Variants in GNA12 observed in about 807,000 individuals in gnomAD.
The protein encoded by GNA12 is G protein subunit alpha 12, also known as guanine nucleotide-binding protein subunit alpha-12.
A neutral mutation model predicts 26.0 loss-of-function variants in GNA12; 9 were observed. The observed-to-expected ratio is 0.35, with a 90% CI of 0.21 to 0.60. GNA12 has a LOEUF of 0.60. Ranked by LOEUF, GNA12 falls within the 20% of genes least tolerant of loss-of-function variation. GNA12 has a pLI of 0.78. For synonymous variants in GNA12, 264 were observed against 219.6 expected (o/e 1.20, Z -1.79); for missense variants, 405 against 525.8 (o/e 0.77, Z 2.25).
At chr7:2,826,664 G>C (rs1391553175) in intron 1 of GNA12, among the ~76,000 whole-genome samples, 1 of 152,178 alleles carries the variant, frequency 6.6e-6, no homozygotes, top group Non-Finnish European at 1.5e-5. Context: ...AATATGTATT[G>C]CTAAGTGAAA....
chr7:2,780,051 CATATATATATATATATATATATAT>C lies in GNA12; in HGVS notation c.525+14853_525+14876del, dbSNP rs3996399. Among the ~76,000 whole-genome samples, 73 of 62,214 alleles carry C rather than the reference CATATATATATATATATATATATAT, an allele frequency of 1.2e-3. 1 individual carries two copies. The highest frequency in any genetic ancestry group is 3.9e-3 in the South Asian group (6 of 1,526). 40.8% of individuals were successfully genotyped at this position (62,214 alleles called of 152,430 possible). On this transcript the variant is annotated intron_variant, in intron 2 of 3. Transcript: ENST00000275364. ...CTAGTTTTTTACACATTTCTGTGTACATATATATATATATATATATATATATATATATATATATATATGCCTGTT... is the reference window on the plus strand; with the variant it reads ...CTAGTTTTTTACACATTTCTGTGTACATATATATATATATATATGCCTGTT...
intron 2 of GNA12, among the ~76,000 whole-genome samples, chr7:2,755,198 G>A (rs1426319112): frequency 6.6e-6 from 1 of 152,224 alleles, no homozygotes; most frequent in Non-Finnish European, 1.5e-5. Flanking sequence ...ATCAGGGAGA[G>A]TGGCCCCTCC....
intron 1 of GNA12, among the ~76,000 whole-genome samples, chr7:2,824,165 G>A (rs895802111): frequency 6.6e-6 from 1 of 152,192 alleles, no homozygotes; most frequent in East Asian, 1.9e-4. Flanking sequence ...CCACAGATCA[G>A]GATGACAGCC....
intron 2 of GNA12, among the ~76,000 whole-genome samples, chr7:2,778,774 T>G (rs539732383): frequency 6.6e-6 from 1 of 152,316 alleles, no homozygotes; most frequent in East Asian, 1.9e-4. Flanking sequence ...AGCTAAGGAC[T>G]GAAGCTTCAA....
chr7:2,831,650 G>A (rs932265691), intron 1 of GNA12, among the ~76,000 whole-genome samples: 3 of 151,884 alleles, frequency 2.0e-5, no homozygotes, highest in African/African-American at 7.3e-5. Flanking sequence ...TGATCCGCCC[G>A]CCTCAGCCTC....
At chr7:2,781,716 G>A (rs983103532) in intron 2 of GNA12, among the ~76,000 whole-genome samples, 12 of 152,106 alleles carry the variant, frequency 7.9e-5, no homozygotes, top group South Asian at 2.1e-4. Context: ...ATGGGTGGGC[G>A]TACAAAAATA....
At chr7:2,777,058 T>C (rs979499326) in intron 2 of GNA12, among the ~76,000 whole-genome samples, 2 of 152,134 alleles carry the variant, frequency 1.3e-5, no homozygotes, top group African/African-American at 4.8e-5. Flanking sequence ...CAGCTGTACT[T>C]CCTGGTGGTA....
At chr7:2,767,954 A>G (rs1308339751) in intron 2 of GNA12, among the ~76,000 whole-genome samples, 2 of 152,226 alleles carry the variant, frequency 1.3e-5, no homozygotes, top group African/African-American at 4.8e-5. Flanking sequence ...TCCTGGGTTC[A>G]AGCAATTCTC....
chr7:2,804,466 T>C (rs145643942), intron 1 of GNA12, among the ~76,000 whole-genome samples: 17 of 152,308 alleles, frequency 1.1e-4, no homozygotes, highest in Middle Eastern at 3.4e-3. Context: ...CAGACTCTTG[T>C]AGATGAGCCT....
chr7:2,836,911 C>T (rs767128266), intron 1 of GNA12, among the ~76,000 whole-genome samples: 1 of 152,000 alleles, frequency 6.6e-6, no homozygotes, highest in Non-Finnish European at 1.5e-5. Context: ...GCAACAAGAG[C>T]GAAACTCCAT....
At chr7:2,834,349 G>A (rs149223660) in intron 1 of GNA12, among the ~76,000 whole-genome samples, 12 of 152,312 alleles carry the variant, frequency 7.9e-5, no homozygotes, top group Non-Finnish European at 1.8e-4. Context: ...ACCTCAGCCA[G>A]AATTAATCTT....
rs367970613 is a variant in GNA12 at position 2,733,430 on chromosome 7, C to T, written c.576+21G>A. 2.9e-5 allele frequency: 46 copies of T among 1,609,552 alleles called. No individual in the cohort carries two copies. The East Asian group carries it at 3.1e-4, about 11-fold the overall frequency. ...TTCTAACCCTGGAGCCCAGCTTCTT[C>T]GGGCGGGCGTGCTTACTCACCAGCT... On this transcript the variant is annotated intron_variant, in intron 3 of 3. Transcript: ENST00000275364.
intron 1 of GNA12, chr7:2,814,728 T>C (rs551088166): frequency 2.9e-6 from 2 of 685,538 alleles, no homozygotes; most frequent in Non-Finnish European, 4.9e-6. Flanking sequence ...ACTCCTTGCA[T>C]ATAACGGCCT....
intron 2 of GNA12, among the ~76,000 whole-genome samples, chr7:2,748,764 G>A (rs1315555349): frequency 1.3e-5 from 2 of 152,104 alleles, no homozygotes; most frequent in East Asian, 1.9e-4. Flanking sequence ...CTACTCATCT[G>A]ACAAAGGGCT....
chr7:2,842,804 G>A (rs1206509421), intron 1 of GNA12, among the ~76,000 whole-genome samples: 3 of 152,154 alleles, frequency 2.0e-5, no homozygotes, highest in African/African-American at 7.2e-5. Context: ...TTTTTACATG[G>A]AGGCCTCATC....
chr7:2,768,747 C>G (rs921870266), intron 2 of GNA12, among the ~76,000 whole-genome samples: 1 of 151,274 alleles, frequency 6.6e-6, no homozygotes, highest in East Asian at 1.9e-4. Context: ...ATTCCCACAA[C>G]TATTAATCAC....
intron 2 of GNA12, among the ~76,000 whole-genome samples, chr7:2,735,960 T>G (rs1583210020): frequency 1.3e-5 from 2 of 152,164 alleles, no homozygotes; most frequent in Admixed American, 6.5e-5. Flanking sequence ...ATCCGCACTC[T>G]TGCTGTCCCT....
Position 2,843,993 on chromosome 7 carries a change from G to T in GNA12, c.169C>A (p.Leu57Met). The T allele has an allele frequency of 6.4e-7, 1 of 1,556,858 alleles. No individual in the cohort carries two copies. Among genetic ancestry groups the T allele is most frequent in the Non-Finnish European group, 8.7e-7 (1 of 1,153,006 alleles). Reference protein sequence around the residue: ...LARERRAVRRLVKILLLGAGE... With the variant: ...LARERRAVRRMVKILLLGAGE... ...GCGCCCAGCAGCAGGATCTTCACCA[G>T]GCGCCGGACCGCGCGCCGCTCGCGG... The change falls in exon 1 of 4, where the codon CTG (leucine) becomes ATG (methionine). Residue 57 changes from leucine to methionine, a missense_variant. By Grantham distance (15) the Leu-to-Met change is conservative. Transcript: ENST00000275364.
chr7:2,787,002 C>T (rs899597719), intron 2 of GNA12, among the ~76,000 whole-genome samples: 8 of 152,202 alleles, frequency 5.3e-5, no homozygotes, highest in African/African-American at 1.9e-4. Flanking sequence ...TCTGTCTGCT[C>T]TGCCCTCCAG....
Sources: gnomAD v4.1 joint callset for allele counts (sites outside exome capture counted in the v4.1 genomes callset) on GRCh38, gnomAD v4.1.1 for gene constraint, MANE v1.5 for transcripts, NCBI Gene and HGNC (gene_info 2026-07-23, HGNC 2026-07-21) for gene names.